The following CYRIA variants were observed in gnomAD, a reference collection of about 807,000 sequenced individuals.
CYRIA encodes the protein CYFIP-related Rac1 interactor A.
CYRIA carries 15 observed loss-of-function variants against 43.9 expected under a neutral mutation model. That is an observed-to-expected ratio of 0.34 (90% CI 0.23 to 0.53). The LOEUF (loss-of-function observed/expected upper bound fraction) is 0.53. Among genes scored for constraint, CYRIA ranks in the 20% least tolerant of loss-of-function variants. The pLI, the probability that CYRIA is intolerant of heterozygous loss-of-function variation, is 0.94. For synonymous variants in CYRIA, 117 were observed against 136.0 expected, an observed-to-expected ratio of 0.86 and a Z score of 0.97; for missense variants, 236 against 394.2, an observed-to-expected ratio of 0.60 and a Z score of 3.40.
chr2:16,609,454 T>C (rs75830409), intron 2 of CYRIA, among the ~76,000 whole-genome samples: 4,900 of 152,320 alleles, frequency 0.032, 111 homozygotes, highest in Middle Eastern at 0.085. Context: ...CCTCAGCTTC[T>C]AGCTGGAGAC....
At chr2:16,647,386 G>A (rs1024730134) in intron 1 of CYRIA, among the ~76,000 whole-genome samples, 21 of 152,126 alleles carry the variant, frequency 1.4e-4, no homozygotes, top group African/African-American at 4.8e-4. Context: ...AAAAGACCTT[G>A]TCTAAATTCT....
intron 2 of CYRIA, among the ~76,000 whole-genome samples, chr2:16,606,747 G>C (rs1346663247): frequency 6.6e-6 from 1 of 152,064 alleles, no homozygotes; most frequent in African/African-American, 2.4e-5. Context: ...GGAAGCAAAA[G>C]GCCCTGCAGA....
At chr2:16,582,726 G>A (rs1171135418) in intron 3 of CYRIA, among the ~76,000 whole-genome samples, 1 of 152,034 alleles carries the variant, frequency 6.6e-6, no homozygotes, top group Non-Finnish European at 1.5e-5. Context: ...ATATTGCATT[G>A]AATTGATATA....
chr2:16,659,966 T>G (rs1224970829), intron 1 of CYRIA, among the ~76,000 whole-genome samples: 2 of 152,154 alleles, frequency 1.3e-5, no homozygotes, highest in South Asian at 2.1e-4. Context: ...CTCTTCCCAC[T>G]GTCATCAGCC....
chr2:16,643,667 G>A (rs568202206), intron 1 of CYRIA, among the ~76,000 whole-genome samples: 11 of 151,890 alleles, frequency 7.2e-5, no homozygotes, highest in South Asian at 6.3e-4. Context: ...ATCTGTATTC[G>A]CCCACAATCA....
At chr2:16,609,909 C>A (rs1668533995) in intron 2 of CYRIA, among the ~76,000 whole-genome samples, 1 of 152,156 alleles carries the variant, frequency 6.6e-6, no homozygotes, top group Non-Finnish European at 1.5e-5. Flanking sequence ...GTTTCCAGGC[C>A]TCTGAGTGTG....
intron 1 of CYRIA, among the ~76,000 whole-genome samples, chr2:16,653,717 G>C (rs1161316626): frequency 6.6e-6 from 1 of 152,168 alleles, no homozygotes; most frequent in Non-Finnish European, 1.5e-5. Flanking sequence ...ATGGACAGAT[G>C]GACGGATGAA....
In CYRIA at chr2:16,637,192, A is replaced by C. The variant is rs1669524311; in HGVS notation, c.-166-13173T>G. Among the ~76,000 whole-genome samples the C allele has an allele frequency of 2.0e-5, 3 of 152,182 alleles. No homozygotes were observed. The South Asian group carries it at 6.2e-4, about 32-fold the overall frequency. On this transcript the variant is annotated intron_variant, in intron 1 of 11. Transcript: ENST00000381323. The stretch of plus-strand genomic sequence containing the variant: ...ATTTCTTTGATTGCAGTGCTCATCA[A>C]ACTCTTTTCTTTTTAACTTAAAAGT...
chr2:16,627,911 G>C (rs749970020), intron 1 of CYRIA, among the ~76,000 whole-genome samples: 1 of 152,206 alleles, frequency 6.6e-6, no homozygotes, highest in Non-Finnish European at 1.5e-5. Context: ...GCCTGAGATG[G>C]GTGGAGGGGA....
chr2:16,624,085 T>G (rs1024925), intron 1 of CYRIA, 66 bp from the exon 2 acceptor site: 68,220 of 152,160 alleles, frequency 0.45, 16,103 homozygotes, highest in African/African-American at 0.6. Flanking sequence ...AGTCACAATG[T>G]ATTTTTTAAG....
chr2:16,607,223 T>G (rs780906791), intron 2 of CYRIA, among the ~76,000 whole-genome samples: 13 of 149,646 alleles, frequency 8.7e-5, no homozygotes, highest in Non-Finnish European at 1.8e-4. Context: ...CCGAGCAAGC[T>G]GTGCAGACGG....
rs1466676101 is a variant in CYRIA at position 16,551,191 on chromosome 2, C to T, written c.*1745G>A. On this transcript the variant is annotated 3_prime_UTR_variant, in exon 12 of 12. Transcript: ENST00000381323. ...ACTCCCTTGCTAAAACAACATAAGA[C>T]AAGTATTTTTTCCCCTTTATTGGAG... 2.6e-5 allele frequency: 4 copies of T among 152,128 alleles called. No homozygotes were observed. Among genetic ancestry groups the T allele is most frequent in the African/African-American group, 9.6e-5 (4 of 41,456 alleles). The allele number at this position is 152,128 out of a possible 1,614,324, so 9.4% of individuals were successfully genotyped here.
At chr2:16,601,244 C>T (rs935131972) in intron 2 of CYRIA, among the ~76,000 whole-genome samples, 2 of 152,058 alleles carry the variant, frequency 1.3e-5, no homozygotes, top group African/African-American at 2.4e-5. Context: ...ATAGAAGAAG[C>T]AAGCTGCCAC....
At chr2:16,586,438 C>T (rs1034254141) in intron 3 of CYRIA, among the ~76,000 whole-genome samples, 1 of 151,768 alleles carries the variant, frequency 6.6e-6, no homozygotes, top group African/African-American at 2.4e-5. Context: ...TAAAAAGGCC[C>T]ATTTTATATA....
At chr2:16,633,429 T>TA (rs2103524337) in intron 1 of CYRIA, among the ~76,000 whole-genome samples, 1 of 147,486 alleles carries the variant, frequency 6.8e-6, no homozygotes, top group African/African-American at 2.6e-5. Flanking sequence ...TTTATTTATT[T>TA]TTGAGACAGG....
At chr2:16,571,397 T>G (rs1572466902) in intron 3 of CYRIA, among the ~76,000 whole-genome samples, 1 of 152,280 alleles carries the variant, frequency 6.6e-6, no homozygotes, top group South Asian at 2.1e-4. Flanking sequence ...TGTGCTTTGT[T>G]TTTGGGGAAG....
intron 1 of CYRIA, among the ~76,000 whole-genome samples, chr2:16,643,492 T>C (rs933646276): frequency 3.3e-5 from 5 of 152,244 alleles, no homozygotes; most frequent in Non-Finnish European, 7.3e-5. Context: ...GACTTCAATA[T>C]GCAGCAATGC....
chr2:16,579,887 A>T (rs537307524), intron 3 of CYRIA, among the ~76,000 whole-genome samples: 2 of 152,306 alleles, frequency 1.3e-5, no homozygotes, highest in South Asian at 4.1e-4. Flanking sequence ...AAATACAAAC[A>T]TTAATTAAAC....
intron 3 of CYRIA, among the ~76,000 whole-genome samples, chr2:16,586,515 T>C (rs13034084): frequency 0.26 from 39,067 of 151,836 alleles, 5,427 homozygotes; most frequent in Admixed American, 0.31. Flanking sequence ...AACAACAACA[T>C]AGCACGCTGA....
Sources: gnomAD v4.1 joint callset for allele counts (sites outside exome capture counted in the v4.1 genomes callset) on GRCh38, gnomAD v4.1.1 for gene constraint, MANE v1.5 for transcripts, NCBI Gene and HGNC (gene_info 2026-07-23, HGNC 2026-07-21) for gene names.